Variants in BCR observed in about 807,000 individuals in gnomAD.
The protein encoded by BCR is BCR activator of RhoGEF and GTPase.
Under a neutral mutation model 138.6 loss-of-function variants are expected in BCR, and 58 were observed. The ratio of observed to expected loss-of-function variants is 0.42; its 90% CI spans 0.34 to 0.52. The LOEUF is 0.52. BCR is among the 20% of genes least tolerant of loss of function. The pLI, the probability that BCR is intolerant of heterozygous loss-of-function variation, is 0.06. For missense variants in BCR, 1,599 were observed against 1,727.2 expected (o/e 0.93, Z 1.32); for synonymous variants, 786 against 730.1 (o/e 1.08, Z -1.23).
intron 11 of BCR, 152 bp downstream of exon 11, chr22:23,287,430 G>T (rs1227324136): frequency 1.9e-5 from 25 of 1,314,062 alleles, no homozygotes; most frequent in Non-Finnish European, 2.3e-5. Flanking sequence ...CCTTTGTCTG[G>T]GGCTTTGGGC....
intron 1 of BCR, among the ~76,000 whole-genome samples, chr22:23,189,845 G>A (rs940663800): frequency 6.6e-6 from 1 of 152,252 alleles, no homozygotes; most frequent in African/African-American, 2.4e-5. Context: ...GCTCTGATCC[G>A]TCACAAGGGT....
In BCR at chr22:23,271,572, C is replaced by T. The variant is rs201579887; in HGVS notation, c.1901C>T (p.Thr634Met). Residue 634 changes from threonine to methionine, a missense_variant, in exon 6 of 23, where the codon ACG becomes ATG. Physicochemically the swap from Thr to Met is moderately conservative, Grantham distance 81. Coordinates refer to ENST00000305877, the MANE Select transcript of BCR (RefSeq NM_004327.4). ...AGCAACAAAGATGCCAAGGATCCAA[C>T]GACCAAGAACTCTCTGGAAAGTGAG... ...ARSNKDAKDP[T>M]TKNSLETLLY... 2.5e-5 allele frequency: 40 copies of T among 1,614,054 alleles called. No homozygotes were observed. The highest frequency in any genetic ancestry group is 2.7e-5 in the Non-Finnish European group (32 of 1,180,024).
intron 16 of BCR, among the ~76,000 whole-genome samples, chr22:23,298,345 T>A (rs1225799477): frequency 6.6e-6 from 1 of 152,038 alleles, no homozygotes; most frequent in South Asian, 2.1e-4. Flanking sequence ...CTTAGCAGGA[T>A]TCTTGCAAAA....
At chr22:23,295,261 G>C (rs2073833027) in intron 16 of BCR, 106 bp downstream of exon 16, 6 of 1,284,504 alleles carry the variant, frequency 4.7e-6, no homozygotes, top group Non-Finnish European at 5.3e-6. Flanking sequence ...GGGTGGGGTG[G>C]GGTGGGCAGC....
intron 4 of BCR, chr22:23,263,188 C>T (rs953356477): frequency 1.1e-6 from 1 of 880,132 alleles, no homozygotes. Flanking sequence ...GAGTCAGCCG[C>T]CTGCCCGGCT....
rs942823127 is a variant in BCR, at chr22:23,288,125, A to G, written c.2555A>G (p.Tyr852Cys). ...TACACGTTCCTGATCTCCTCTGACT[A>G]TGAGCGTGCAGAGTGGAGGGAGAAC... ...KSYTFLISSDYERAEWRENIR... is the reference protein window; with the variant it reads ...KSYTFLISSDCERAEWRENIR... Residue 852 changes from tyrosine (Y) to cysteine (C), a missense_variant, in exon 12 of 23, where the codon TAT (tyrosine) becomes TGT (cysteine). By Grantham distance (194) the Tyr-to-Cys change is radical. Transcript: ENST00000305877. 2 of 1,613,994 alleles carry G rather than the reference A, an allele frequency of 1.2e-6. No individual in the cohort carries two copies. The highest frequency in any genetic ancestry group is 1.7e-6 in the Non-Finnish European group (2 of 1,179,936).
intron 1 of BCR, among the ~76,000 whole-genome samples, chr22:23,228,340 C>T (rs879506970): frequency 6.6e-6 from 1 of 152,134 alleles, no homozygotes; most frequent in Non-Finnish European, 1.5e-5. Flanking sequence ...CTTCCTTTTT[C>T]ATCTGTGGAT....
At chr22:23,310,542 C>T (rs1194516380) in intron 18 of BCR, 109 bp downstream of exon 18, 7 of 689,822 alleles carry the variant, frequency 1.0e-5, no homozygotes, top group East Asian at 3.0e-5. Context: ...GGCCACTGCA[C>T]GGTGAGGTCA....
At position 23,261,034 on chromosome 22, in the gene BCR, C is replaced by T. The variant is rs2073350740; in HGVS notation, c.1546C>T (p.His516Tyr). 1.2e-6 allele frequency: 2 copies of T among 1,613,746 alleles called. No homozygotes were observed. The highest frequency in any genetic ancestry group is 2.7e-5 in the African/African-American group (2 of 75,018). ...ILASEETYLS[H>Y]LEALLLPMKP... ...GGCTAGCGAGGAGACTTACCTGAGC[C>T]ACCTGGAGGCACTGCTGCTGGTGAG... The change falls in exon 3 of 23, where the codon CAC (histidine) becomes TAC (tyrosine). Residue 516 changes from histidine to tyrosine, a missense_variant. By Grantham distance (83) the His-to-Tyr change is moderately conservative (BLOSUM62 2). This residue lies in a region of BCR where 590 missense variants were observed against 762.4 expected (regional missense o/e 0.77). Coordinates refer to ENST00000305877, the MANE Select transcript of BCR (RefSeq NM_004327.4).
chr22:23,201,330 C>T (rs189156763), intron 1 of BCR, among the ~76,000 whole-genome samples: 1 of 152,354 alleles, frequency 6.6e-6, no homozygotes, highest in East Asian at 1.9e-4. Flanking sequence ...TGCTTACCTC[C>T]TGGCAGTTGT....
chr22:23,242,185 A>G (rs1190090043), intron 1 of BCR, among the ~76,000 whole-genome samples: 4 of 152,242 alleles, frequency 2.6e-5, no homozygotes, highest in African/African-American at 4.8e-5. Context: ...ATAAAGAACA[A>G]TAAGTTTGAG....
intron 6 of BCR, 107 bp downstream of exon 6, chr22:23,271,699 T>C: frequency 9.3e-7 from 1 of 1,079,282 alleles, no homozygotes; most frequent in Non-Finnish European, 1.4e-6. Context: ...GGTCATCCCT[T>C]GGTGCCTTCC....
chr22:23,299,723 A>T (rs1471118045), intron 16 of BCR, among the ~76,000 whole-genome samples: 1 of 149,540 alleles, frequency 6.7e-6, no homozygotes, highest in East Asian at 2.0e-4. Context: ...TATATAGTAA[A>T]ATATATATTG....
rs114300975 is a variant in BCR at position 23,294,836 on chromosome 22, C to T, written c.2881-188C>T. On this transcript the variant is annotated intron_variant, in intron 15 of 22. Coordinates refer to ENST00000305877, the MANE Select transcript of BCR (RefSeq NM_004327.4). The stretch of plus-strand genomic sequence containing the variant: ...TTCTGGAAGCATCCGGGCTGGGCCA[C>T]GGTCTCATGCCAGGGGTGCTTACAA... Among the ~76,000 whole-genome samples, 876 of 152,288 alleles carry T rather than the reference C, an allele frequency of 5.8e-3. 4 individuals carry two copies. Among genetic ancestry groups the T allele is most frequent in the African/African-American group, 0.019 (798 of 41,558 alleles).
At chr22:23,194,461 A>C in intron 1 of BCR, among the ~76,000 whole-genome samples, 1 of 146,850 alleles carries the variant, frequency 6.8e-6, no homozygotes, top group Middle Eastern at 3.3e-3. Flanking sequence ...CCCAGGCTGG[A>C]GTGCAGTGGA....
At chr22:23,228,053 G>C (rs1292233615) in intron 1 of BCR, among the ~76,000 whole-genome samples, 1 of 152,118 alleles carries the variant, frequency 6.6e-6, no homozygotes, top group Non-Finnish European at 1.5e-5. Context: ...AATGTGTGTG[G>C]GATCAGTAGT....
chr22:23,255,571 C>G (rs1158135607), intron 2 of BCR, among the ~76,000 whole-genome samples: 3 of 152,206 alleles, frequency 2.0e-5, no homozygotes, highest in Non-Finnish European at 1.5e-5. Context: ...CAATTTCTTT[C>G]CATCATTCTT....
chr22:23,249,489 A>G (rs1378161597), intron 1 of BCR, among the ~76,000 whole-genome samples: 3 of 151,828 alleles, frequency 2.0e-5, no homozygotes, highest in African/African-American at 7.3e-5. Flanking sequence ...AGTCCCAGCT[A>G]CTTAGAAGGA....
chr22:23,262,711 G>C, intron 4 of BCR: 1 of 775,962 alleles, frequency 1.3e-6, no homozygotes, highest in Non-Finnish European at 1.6e-6. Context: ...GGGTGAGGGC[G>C]GGCCCGGGTG....
Sources: allele counts gnomAD v4.1 joint callset (sites outside exome capture counted in the v4.1 genomes callset), GRCh38; gene constraint gnomAD v4.1.1; regional missense constraint gnomAD v4.1.1; transcripts MANE v1.5; gene names NCBI Gene and HGNC (gene_info 2026-07-23, HGNC 2026-07-21).